The following ASXL1 variants were observed in gnomAD, a reference collection of about 807,000 sequenced individuals.
ASXL1 encodes polycomb group protein ASXL1.
ASXL1 carries 65 observed loss-of-function variants against 89.1 expected under a neutral mutation model. That is an observed-to-expected ratio of 0.73 (90% confidence interval 0.60 to 0.90). ASXL1 has a LOEUF of 0.90. Among genes scored for constraint, ASXL1 ranks in the 40% least tolerant of loss-of-function variants. The probability of loss-of-function intolerance (pLI) is 0.00; values close to 1 mark genes in which losing one functional copy is unlikely to be tolerated. For missense variants in ASXL1, 1,786 were observed against 1,942.9 expected (o/e 0.92, Z 1.52); for synonymous variants, 739 against 746.9 (o/e 0.99, Z 0.17).
chr20:32,410,326 A>G (rs1293882947), intron 4 of ASXL1, among the ~76,000 whole-genome samples: 1 of 152,166 alleles, frequency 6.6e-6, no homozygotes, highest in Non-Finnish European at 1.5e-5. Flanking sequence ...TTTTAGAAAT[A>G]CGGTCTTACA....
In ASXL1 at chr20:32,358,754, G is replaced by C. The variant is rs1402608027; in HGVS notation, c.-22G>C. On this transcript the variant is annotated 5_prime_UTR_variant, in exon 1 of 13. Transcript: ENST00000375687. ...CAGCCCGGAGGTCCCGCGTGGAGCT[G>C]CCGCCGCCGCCGGGGAGAAGGATGA... 2.1e-6 allele frequency: 3 copies of C among 1,397,884 alleles called. No homozygotes were observed. Among genetic ancestry groups the C allele is most frequent in the Non-Finnish European group, 2.9e-6 (3 of 1,045,650 alleles). The allele number at this position is 1,397,884 out of a possible 1,614,324, so 86.6% of individuals were successfully genotyped here.
chr20:32,425,718 C>T (rs533294289), intron 4 of ASXL1, among the ~76,000 whole-genome samples: 9 of 152,044 alleles, frequency 5.9e-5, no homozygotes, highest in South Asian at 2.1e-4. Context: ...CCTCTCTCCC[C>T]GCCCCCAAGA....
intron 4 of ASXL1, among the ~76,000 whole-genome samples, chr20:32,404,217 C>G (rs868135117): frequency 1.3e-5 from 2 of 152,148 alleles, no homozygotes; most frequent in African/African-American, 2.4e-5. Flanking sequence ...TCTGCCTCCA[C>G]GAGATCAACT....
chr20:32,382,083 G>C (rs927596554), intron 4 of ASXL1, among the ~76,000 whole-genome samples: 3 of 150,932 alleles, frequency 2.0e-5, no homozygotes, highest in African/African-American at 7.3e-5. Context: ...AGCCTCCCGA[G>C]TAGCTGGGAT....
intron 4 of ASXL1, among the ~76,000 whole-genome samples, chr20:32,373,693 C>G (rs1417403659): frequency 2.0e-5 from 3 of 151,944 alleles, no homozygotes; most frequent in Non-Finnish European, 4.4e-5. Context: ...ATGGTGAAAC[C>G]CTGTCTCTAC....
At position 32,358,509 on chromosome 20, in the gene ASXL1, G is replaced by A. The variant is rs1392477611; in HGVS notation, c.-267G>A. On this transcript the variant is annotated 5_prime_UTR_variant, in exon 1 of 13. It removes the in-frame stop codon of an upstream open reading frame in the 5' UTR. Coordinates refer to ENST00000375687, the MANE Select transcript of ASXL1 (RefSeq NM_015338.6). The stretch of plus-strand genomic sequence containing the variant: ...TTATGCGGAGCCGCCGCATTCCTTA[G>A]CGATCGCGGGGCAGCCGCCGCTGCC... 1.3e-5 allele frequency: 3 copies of A among 227,564 alleles called. No individual in the cohort carries two copies. The highest frequency in any genetic ancestry group is 2.6e-5 in the Non-Finnish European group (3 of 114,548). The allele number at this position is 227,564 out of a possible 1,614,324, so 14.1% of individuals were successfully genotyped here.
At chr20:32,369,274 T>G in intron 4 of ASXL1, 151 bp downstream of exon 4, 1 of 757,460 alleles carries the variant, frequency 1.3e-6, no homozygotes, top group Non-Finnish European at 2.3e-6. Flanking sequence ...TTAGACATAG[T>G]CTCGCTGTGT....
At position 32,399,745 on chromosome 20, in the gene ASXL1, C is replaced by CTA. The variant is rs1600525633; in HGVS notation, c.253-28382_253-28381insAT. 5.2e-3 allele frequency among the ~76,000 whole-genome samples: 348 copies of CTA among 66,558 alleles called. 48 individuals are homozygous for CTA. Among genetic ancestry groups the CTA allele is most frequent in the East Asian group, 0.019 (33 of 1,774 alleles). The allele number at this position is 66,558 out of a possible 152,430, so 43.7% of individuals were successfully genotyped here. On this transcript the variant is annotated intron_variant, in intron 4 of 12. Transcript: ENST00000375687. ...ATTTTTAAAAATCTCACATATTTTA[C>CTA]TCTTTTTTTTTTTTTTTTTTTTTTT...
In ASXL1 at chr20:32,433,418, ATTTTAAGAAAC is replaced by A; in HGVS notation, c.1221_1231del (p.His407GlnfsTer27). On this transcript the variant is annotated frameshift_variant, in exon 12 of 13. Transcript: ENST00000375687. LOFTEE classifies it high-confidence loss of function. Reference sequence around the variant, plus strand: ...CCAGCCACCCGACAGCGAGATGGGCATTTTAAGAAACGCTCTCGGCCAGATCTCCGAACCAG... The same window carrying A: ...CCAGCCACCCGACAGCGAGATGGGCAGCTCTCGGCCAGATCTCCGAACCAG... 6.2e-7 allele frequency: 1 copy of A among 1,614,214 alleles called. No individual in the cohort carries two copies. The highest frequency in any genetic ancestry group is 8.5e-7 in the Non-Finnish European group (1 of 1,180,034).
intron 4 of ASXL1, among the ~76,000 whole-genome samples, chr20:32,397,369 G>A (rs1350482576): frequency 2.8e-5 from 4 of 143,016 alleles, no homozygotes; most frequent in South Asian, 2.3e-4. Flanking sequence ...TAAGGTGTTG[G>A]GATTACAGGT....
intron 12 of ASXL1, 129 bp from the exon 13 acceptor site, chr20:32,434,303 T>A: frequency 8.2e-7 from 1 of 1,220,344 alleles, no homozygotes; most frequent in South Asian, 1.3e-5. Context: ...GATGATTTCA[T>A]TGTTTTAAGG....
rs150858997 is a variant in ASXL1 at position 32,424,774 on chromosome 20, A to G, written c.253-3354A>G. Among the ~76,000 whole-genome samples the G allele has an allele frequency of 1.8e-3, 269 of 152,332 alleles. 1 individual carries two copies. The highest frequency in any genetic ancestry group is 6.1e-3 in the African/African-American group (253 of 41,584). ...TCTGTGGTAGTGTTCCTTGAAGGAA[A>G]TACCTTAAAATTTTTTGTTTTTAAA... On this transcript the variant is annotated intron_variant, in intron 4 of 12. Transcript: ENST00000375687.
At chr20:32,421,517 A>G (rs921463213) in intron 4 of ASXL1, among the ~76,000 whole-genome samples, 4 of 150,940 alleles carry the variant, frequency 2.7e-5, no homozygotes, top group African/African-American at 9.7e-5. Context: ...TTCTACTCCT[A>G]GATAGTTATT....
intron 1 of ASXL1, chr20:32,359,819 C>T (rs1275920744): frequency 2.8e-6 from 2 of 717,770 alleles, no homozygotes; most frequent in Admixed American, 2.0e-5. Context: ...TGGATTACTC[C>T]CACAAAGCTC....
At chr20:32,371,628 A>G (rs1206076701) in intron 4 of ASXL1, 1 of 174,110 alleles carries the variant, frequency 5.7e-6, no homozygotes, top group Non-Finnish European at 1.2e-5. Flanking sequence ...TTTTAGAAAC[A>G]GGGTCTCACA....
intron 4 of ASXL1, among the ~76,000 whole-genome samples, chr20:32,382,923 A>C (rs546704592): frequency 6.6e-6 from 1 of 152,282 alleles, no homozygotes; most frequent in Admixed American, 6.5e-5. Context: ...GTGAGGGAGG[A>C]GCTCTCAAGT....
rs2048054857 is a variant in ASXL1 at position 32,358,731 on chromosome 20, G to A, written c.-45G>A. 2 of 715,328 alleles carry A rather than the reference G, an allele frequency of 2.8e-6. No homozygotes were observed. The highest frequency in any genetic ancestry group is 2.0e-5 in the African/African-American group (1 of 50,446). 44.3% of individuals were successfully genotyped at this position (715,328 alleles called of 1,614,324 possible). A position where few individuals can be genotyped will look rare whatever the true frequency, so the allele number is the denominator to read the frequency against. Reference sequence around the variant, plus strand: ...CCGCGCCACCGCCCCAGCCCGCCCAGCCCGGAGGTCCCGCGTGGAGCTGCC... The same window carrying A: ...CCGCGCCACCGCCCCAGCCCGCCCAACCCGGAGGTCCCGCGTGGAGCTGCC... On this transcript the variant is annotated 5_prime_UTR_variant, in exon 1 of 13. Transcript: ENST00000375687.
intron 4 of ASXL1, among the ~76,000 whole-genome samples, chr20:32,393,105 T>C (rs1467471599): frequency 6.6e-6 from 1 of 152,236 alleles, no homozygotes; most frequent in East Asian, 1.9e-4. Flanking sequence ...TTAAGTCTTC[T>C]GTATTCTTAC....
chr20:32,405,629 A>G (rs375306289), intron 4 of ASXL1, among the ~76,000 whole-genome samples: 4 of 152,148 alleles, frequency 2.6e-5, no homozygotes, highest in East Asian at 1.9e-4. Context: ...TCATTCTAGA[A>G]CAGTTCTTTA....
Sources: allele counts gnomAD v4.1 joint callset (sites outside exome capture counted in the v4.1 genomes callset), GRCh38; gene constraint gnomAD v4.1.1; transcripts MANE v1.5; gene names NCBI Gene and HGNC (gene_info 2026-07-23, HGNC 2026-07-21).